The following AIMP1 variants were observed in gnomAD, a reference collection of about 807,000 sequenced individuals.
AIMP1 encodes the protein aminoacyl tRNA synthase complex-interacting multifunctional protein 1.
Under a neutral mutation model 33.1 loss-of-function variants are expected in AIMP1, and 24 were observed. The ratio of observed to expected loss-of-function variants is 0.73; its 90% CI spans 0.53 to 1.02. The LOEUF is 1.02. Among genes scored for constraint, AIMP1 ranks in the 50% least tolerant of loss-of-function variants. AIMP1 has a pLI of 0.00. For missense variants in AIMP1, 367 were observed against 364.8 expected (o/e 1.01, Z -0.05); for synonymous variants, 120 against 121.5 (o/e 0.99, Z 0.08).
chr4:106,337,854 A>C (rs1342190724), intron 6 of AIMP1, among the ~76,000 whole-genome samples: 1 of 152,206 alleles, frequency 6.6e-6, no homozygotes, highest in African/African-American at 2.4e-5. Flanking sequence ...CTTTGACCAA[A>C]ATGCTGATAG....
At chr4:106,329,401 CTCTCCTTTGA>C (rs1272890853) in intron 4 of AIMP1, among the ~76,000 whole-genome samples, 2 of 152,170 alleles carry the variant, frequency 1.3e-5, no homozygotes, top group African/African-American at 4.8e-5. Context: ...GGCAACAAGG[CTCTCCTTTGA>C]TGGAAGAGGG....
At chr4:106,316,647 A>AG in intron 1 of AIMP1, 53 bp downstream of exon 1, 5 of 1,531,560 alleles carry the variant, frequency 3.3e-6, no homozygotes, top group Non-Finnish European at 4.4e-6. Flanking sequence ...TTGCGATCGT[A>AG]GGGGTCTTCC....
At chr4:106,330,025 C>CA (rs1769615521) in intron 4 of AIMP1, among the ~76,000 whole-genome samples, 1 of 152,000 alleles carries the variant, frequency 6.6e-6, no homozygotes, top group Non-Finnish European at 1.5e-5. Flanking sequence ...TCAGGTGATC[C>CA]ACCTGCCTCA....
Position 106,341,627 on chromosome 4 carries a change from T to A in AIMP1, c.772+4590T>A, listed in dbSNP as rs1024453732. Among the ~76,000 whole-genome samples the A allele has an allele frequency of 2.0e-5, 3 of 152,258 alleles. No individual in the cohort carries two copies. In the South Asian group the frequency reaches 6.2e-4, roughly 32 times the overall value. ...CATGCAGCTTTATTTCTATGTCCTT[T>A]ATCTTGTTGCATTTGTCTGTGTGTC... On this transcript the variant is annotated intron_variant, in intron 6 of 6. Transcript: ENST00000672341.
intron 4 of AIMP1, among the ~76,000 whole-genome samples, chr4:106,331,331 G>C (rs1182925553): frequency 6.6e-6 from 1 of 152,148 alleles, no homozygotes; most frequent in Admixed American, 6.5e-5. Context: ...TGGTGCAAAA[G>C]TATCCATAGA....
intron 6 of AIMP1, among the ~76,000 whole-genome samples, chr4:106,341,727 C>A (rs1770106053): frequency 6.6e-6 from 1 of 151,892 alleles, no homozygotes; most frequent in South Asian, 2.1e-4. Context: ...TAGTGTGATG[C>A]CTCCAGTTAT....
intron 6 of AIMP1, among the ~76,000 whole-genome samples, chr4:106,337,249 G>A (rs1769920438): frequency 6.6e-6 from 1 of 152,132 alleles, no homozygotes; most frequent in Admixed American, 6.5e-5. Flanking sequence ...TGTACATGTT[G>A]TATAAAACAC....
upstream of AIMP1, chr4:106,316,353 G>C (rs537275687): frequency 1.7e-6 from 1 of 596,520 alleles, no homozygotes; most frequent in Non-Finnish European, 3.0e-6. Context: ...AGGTGCGGGG[G>C]GACGGGGGGG....
rs1399247573 is a variant in AIMP1, at chr4:106,349,032, A to C, written c.*1340A>C. On this transcript the variant is annotated 3_prime_UTR_variant, in exon 7 of 7. Coordinates refer to ENST00000672341, the MANE Select transcript of AIMP1 (RefSeq NM_001142416.2). ...CTGCATGTTATAAAAGGCAGAATTA[A>C]ATTTTATTTATTTAAATCCATGGAA... 1.3e-5 allele frequency: 2 copies of C among 152,080 alleles called. No individual in the cohort carries two copies. The highest frequency in any genetic ancestry group is 4.8e-5 in the African/African-American group (2 of 41,422). 9.4% of individuals were successfully genotyped at this position (152,080 alleles called of 1,614,324 possible). A position where few individuals can be genotyped will look rare whatever the true frequency, so the allele number is the denominator to read the frequency against.
upstream of AIMP1, chr4:106,316,437 G>A (rs1768886369): frequency 9.1e-7 from 1 of 1,102,422 alleles, no homozygotes; most frequent in Admixed American, 2.0e-5. Context: ...ACTGAGCACA[G>A]GAAGAGGAAG....
chr4:106,321,315 A>G (rs1450915321), intron 1 of AIMP1: 80 of 152,414 alleles, frequency 5.2e-4, no homozygotes, highest in East Asian at 1.2e-3. Context: ...GTCTCTGCCC[A>G]GCCGCCCATC....
chr4:106,327,521 A>C lies in AIMP1; in HGVS notation c.180A>C (p.Glu60Asp). ...VENAKLKKEI[E>D]ELKQELIQAE... Reference sequence around the variant, plus strand: ...ATGCTAAACTGAAGAAAGAAATTGAAGAACTGAAACAAGAGCTAATTCAGG... The same window carrying C: ...ATGCTAAACTGAAGAAAGAAATTGACGAACTGAAACAAGAGCTAATTCAGG... The change falls in exon 3 of 7, where the codon GAA becomes GAC. Residue 60 changes from glutamate to aspartate, a missense_variant. Coordinates refer to ENST00000672341, the MANE Select transcript of AIMP1 (RefSeq NM_001142416.2). The C allele has an allele frequency of 6.2e-7, 1 of 1,612,966 alleles. No individual in the cohort carries two copies.
chr4:106,334,119 T>C (rs1398548716), intron 5 of AIMP1, among the ~76,000 whole-genome samples: 1 of 152,170 alleles, frequency 6.6e-6, no homozygotes, highest in Non-Finnish European at 1.5e-5. Flanking sequence ...CTGCCTTTGT[T>C]TATTGCTACT....
intron 2 of AIMP1, among the ~76,000 whole-genome samples, chr4:106,326,710 T>A (rs1224340096): frequency 2.0e-5 from 3 of 151,994 alleles, no homozygotes; most frequent in Non-Finnish European, 4.4e-5. Context: ...TTTTTAAAAA[T>A]ATATATATAA....
intron 1 of AIMP1, among the ~76,000 whole-genome samples, chr4:106,323,285 A>AT (rs567585218): frequency 8.0e-4 from 121 of 152,126 alleles, no homozygotes; most frequent in African/African-American, 2.7e-3. Context: ...TTCTTAGAAG[A>AT]TTTTTTATAT....
At chr4:106,319,010 G>C (rs1476932518) in intron 1 of AIMP1, among the ~76,000 whole-genome samples, 1 of 151,994 alleles carries the variant, frequency 6.6e-6, no homozygotes, top group African/African-American at 2.4e-5. Context: ...ACAATTGATG[G>C]CATTTTAGAT....
intron 6 of AIMP1, among the ~76,000 whole-genome samples, chr4:106,337,909 A>C (rs930900383): frequency 1.3e-5 from 2 of 152,190 alleles, no homozygotes; most frequent in Non-Finnish European, 1.5e-5. Context: ...TCAGATAGAG[A>C]TGAGGAGCTT....
At chr4:106,320,316 TC>T (rs928804576) in intron 1 of AIMP1, among the ~76,000 whole-genome samples, 3 of 152,224 alleles carry the variant, frequency 2.0e-5, no homozygotes, top group South Asian at 4.1e-4. Context: ...AAAAATGTCT[TC>T]AACTGTGTTT....
At chr4:106,334,814 CAT>C (rs1769813164) in intron 5 of AIMP1, among the ~76,000 whole-genome samples, 1 of 152,138 alleles carries the variant, frequency 6.6e-6, no homozygotes, top group African/African-American at 2.4e-5. Context: ...GAAAGCAAGT[CAT>C]GTGTTTATCT....
Sources: gnomAD v4.1 joint callset for allele counts (sites outside exome capture counted in the v4.1 genomes callset) on GRCh38, gnomAD v4.1.1 for gene constraint, MANE v1.5 for transcripts, NCBI Gene and HGNC (gene_info 2026-07-23, HGNC 2026-07-21) for gene names.